UQCC6: variants seen among roughly 807,000 people sequenced by gnomAD.
The protein encoded by UQCC6 is ubiquinol-cytochrome c reductase complex assembly factor 6.
the UQCC6 span, chr12:103,957,028 C>G: frequency 2.4e-6 from 1 of 425,120 alleles, no homozygotes; most frequent in Admixed American, 3.7e-5. Flanking sequence ...GATCAGCAAG[C>G]GGAAAACCGA....
At chr12:103,953,353 A>T in the UQCC6 span, 1 of 701,634 alleles carries the variant, frequency 1.4e-6, no homozygotes, top group South Asian at 1.5e-5. Flanking sequence ...TTTCAACCTG[A>T]ACTACAACAG....
chr12:103,951,635 A>AT, the UQCC6 span: 1 of 1,368,064 alleles, frequency 7.3e-7, no homozygotes, highest in African/African-American at 2.8e-5. Flanking sequence ...TATTGTCTGC[A>AT]AAAAAAACAA....
the UQCC6 span, among the ~76,000 whole-genome samples, chr12:103,959,190 T>A: frequency 6.6e-6 from 1 of 152,252 alleles, no homozygotes; most frequent in Non-Finnish European, 1.5e-5. Context: ...TGTTTCCAGG[T>A]GGTCCATTCT....
chr12:103,961,093 GAC>G, the UQCC6 span, among the ~76,000 whole-genome samples: 5 of 151,932 alleles, frequency 3.3e-5, no homozygotes, highest in African/African-American at 4.8e-5. Context: ...GGAGGTGGAA[GAC>G]AGTGATACTG....
At chr12:103,958,036 A>T in the UQCC6 span, among the ~76,000 whole-genome samples, 3 of 139,488 alleles carry the variant, frequency 2.2e-5, no homozygotes, top group East Asian at 3.9e-4. Context: ...ATATATTTTT[A>T]AATATATATG....
chr12:103,963,473 A>G, the UQCC6 span, among the ~76,000 whole-genome samples: 1 of 152,132 alleles, frequency 6.6e-6, no homozygotes, highest in Non-Finnish European at 1.5e-5. Context: ...ATTTCCATAT[A>G]AATTTTAGAA....
the UQCC6 span, among the ~76,000 whole-genome samples, chr12:103,961,840 G>A: frequency 3.3e-5 from 5 of 152,142 alleles, no homozygotes; most frequent in South Asian, 2.1e-4. Context: ...GATTACAGGC[G>A]TGAGCCACCG....
the UQCC6 span, chr12:103,956,838 G>A: frequency 1.3e-6 from 1 of 771,672 alleles, no homozygotes; most frequent in South Asian, 1.7e-5. Flanking sequence ...CGCTGGACAC[G>A]AGACACACGG....
chr12:103,960,029 C>A, the UQCC6 span, among the ~76,000 whole-genome samples: 1 of 151,930 alleles, frequency 6.6e-6, no homozygotes, highest in Admixed American at 6.5e-5. Flanking sequence ...CCTGCCTCGG[C>A]CTCCCAAAGT....
At chr12:103,961,951 C>T in the UQCC6 span, among the ~76,000 whole-genome samples, 3 of 152,172 alleles carry the variant, frequency 2.0e-5, no homozygotes, top group African/African-American at 7.2e-5. Context: ...TAGTAACATG[C>T]TGAACAGGTT....
chr12:103,956,977 T>A, the UQCC6 span: 1 of 513,000 alleles, frequency 1.9e-6, no homozygotes, highest in Non-Finnish European at 3.5e-6. Context: ...CGTTTATCAG[T>A]GAGGGGCGCC....
the UQCC6 span, chr12:103,953,333 G>A: frequency 2.9e-6 from 2 of 700,760 alleles, no homozygotes; most frequent in South Asian, 3.0e-5. Flanking sequence ...AATTAAGGAT[G>A]ACTCCTAGCT....
At chr12:103,962,385 A>G in the UQCC6 span, among the ~76,000 whole-genome samples, 103 of 152,154 alleles carry the variant, frequency 6.8e-4, no homozygotes, top group Middle Eastern at 3.4e-3. Context: ...TGTCTTCTAT[A>G]TTTTCTTCTA....
chr12:103,963,067 T>C, the UQCC6 span, among the ~76,000 whole-genome samples: 2 of 139,440 alleles, frequency 1.4e-5, no homozygotes, highest in Non-Finnish European at 3.1e-5. Context: ...TTGATGCTAA[T>C]ACTACACTTT....
chr12:103,952,913 G>C, the UQCC6 span, among the ~76,000 whole-genome samples: 1 of 152,204 alleles, frequency 6.6e-6, no homozygotes, highest in African/African-American at 2.4e-5. Flanking sequence ...CCTAAGGCAG[G>C]AGTGTGGCTT....
the UQCC6 span, among the ~76,000 whole-genome samples, chr12:103,953,925 C>T: frequency 6.6e-6 from 1 of 152,226 alleles, no homozygotes; most frequent in Admixed American, 6.5e-5. Flanking sequence ...AAGCTATAGA[C>T]TAAACTGCAT....
At chr12:103,960,588 A>G in the UQCC6 span, among the ~76,000 whole-genome samples, 7 of 152,216 alleles carry the variant, frequency 4.6e-5, no homozygotes. Context: ...AAAACACAAA[A>G]ACATAAAAAT....
At chr12:103,962,137 G>GT in the UQCC6 span, among the ~76,000 whole-genome samples, 1 of 152,172 alleles carries the variant, frequency 6.6e-6, no homozygotes, top group Non-Finnish European at 1.5e-5. Flanking sequence ...CTTTGGTGAT[G>GT]TATCTGTTCA....
At chr12:103,964,131 CTTTTTTTTTTTTTTTTTTTTT>C in the UQCC6 span, among the ~76,000 whole-genome samples, 25 of 69,466 alleles carry the variant, frequency 3.6e-4, no homozygotes, top group Admixed American at 6.0e-4. Context: ...CTCCCATAAG[CTTTTTTTTTTTTTTTTTTTTT>C]TTTTTTTTTT....
Sources: allele counts gnomAD v4.1 joint callset (sites outside exome capture counted in the v4.1 genomes callset), GRCh38; gene constraint gnomAD v4.1.1; transcripts MANE v1.5; gene names NCBI Gene and HGNC (gene_info 2026-07-23, HGNC 2026-07-21).